The following ZNF287 variants were observed in gnomAD, a reference collection of about 807,000 sequenced individuals.
ZNF287 encodes the protein zinc finger protein 287.
A neutral mutation model predicts 73.7 loss-of-function variants in ZNF287; 31 were observed. The ratio of observed to expected loss-of-function variants is 0.42; its 90% confidence interval spans 0.32 to 0.57. The LOEUF (loss-of-function observed/expected upper bound fraction) is 0.57, where lower values mean the gene tolerates loss of function less well. Among genes scored for constraint, ZNF287 ranks in the 20% least tolerant of loss-of-function variants. The probability of loss-of-function intolerance (pLI) is 0.13; values close to 1 mark genes in which losing one functional copy is unlikely to be tolerated. For synonymous variants in ZNF287, 301 were observed against 307.2 expected, an observed-to-expected ratio of 0.98 and a Z score of 0.21; for missense variants, 641 against 909.3, an observed-to-expected ratio of 0.70 and a Z score of 3.79.
rs372974101 is a variant in ZNF287, at chr17:16,553,143, G to T, written c.999C>A (p.Thr333=). The T allele has an allele frequency of 9.3e-6, 15 of 1,609,292 alleles. No individual in the cohort carries two copies. The highest frequency in any genetic ancestry group is 1.3e-5 in the Non-Finnish European group (15 of 1,175,880). Residue 333 remains threonine (T), a synonymous_variant, in exon 6 of 6, where the codon ACC becomes ACA. Transcript: ENST00000395825. ...KHSNLIVQFD[T]QLDNKTSVYN... The stretch of plus-strand genomic sequence containing the variant: ...ACACAGAAGTTTTATTATCTAATTG[G>T]GTATCAAACTGTACAATTAGGTTTG...
In ZNF287 at chr17:16,549,997, A is replaced by G. The variant is rs1430023873; in HGVS notation, c.*1859T>C. 6.6e-6 allele frequency among the ~76,000 whole-genome samples: 1 copy of G among 152,240 alleles called. No homozygotes were observed. The highest frequency in any genetic ancestry group is 2.4e-5 in the African/African-American group (1 of 41,466). On this transcript the variant is annotated 3_prime_UTR_variant, in exon 6 of 6. Transcript: ENST00000395825. Reference sequence around the variant, plus strand: ...TCATTAATTCAACCATGTATTGACCATGCACTATTATGCAAGGGACTGGAG... The same window carrying G: ...TCATTAATTCAACCATGTATTGACCGTGCACTATTATGCAAGGGACTGGAG...
At chr17:16,554,424 T>C (rs1339126538) in intron 5 of ZNF287, among the ~76,000 whole-genome samples, 2 of 152,178 alleles carry the variant, frequency 1.3e-5, no homozygotes, top group Non-Finnish European at 2.9e-5. Context: ...TCCGCCTGCC[T>C]CAGCCTCTCA....
intron 5 of ZNF287, 26 bp downstream of exon 5, chr17:16,563,120 A>C (rs1335628529): frequency 6.6e-7 from 1 of 1,523,554 alleles, no homozygotes; most frequent in Non-Finnish European, 9.0e-7. Flanking sequence ...AAATACAAAG[A>C]AGCTCATGCG....
intron 5 of ZNF287, among the ~76,000 whole-genome samples, chr17:16,560,518 T>C (rs567030771): frequency 4.6e-5 from 7 of 151,032 alleles, no homozygotes; most frequent in African/African-American, 1.5e-4. Flanking sequence ...CCCAGCTAAT[T>C]TTTGTATTTT....
At chr17:16,556,185 C>G (rs1168334708) in intron 5 of ZNF287, among the ~76,000 whole-genome samples, 1 of 152,056 alleles carries the variant, frequency 6.6e-6, no homozygotes, top group Non-Finnish European at 1.5e-5. Flanking sequence ...CACACACACA[C>G]ACACACAAAA....
chr17:16,553,263 A>T lies in ZNF287; in HGVS notation c.879T>A (p.Gly293=). 1 of 1,613,414 alleles carries T rather than the reference A, an allele frequency of 6.2e-7. No individual in the cohort carries two copies. The highest frequency in any genetic ancestry group is 8.5e-7 in the Non-Finnish European group (1 of 1,179,692). The change falls in exon 6 of 6, where the codon GGT becomes GGA. Residue 293 remains glycine (G), a synonymous_variant. Transcript: ENST00000395825. ...GTGAAAGGACTGACTTCAAACTGAA[A>T]CCTCTTTCATCAGTGTGAATTTTCC... ...GFWKIHTDER[G]FSLKSVLSQE... is the part of the protein sequence containing the mutation.
rs773381197 is a variant in ZNF287 at position 16,549,542 on chromosome 17, C to G, written c.*2314G>C. The stretch of plus-strand genomic sequence containing the variant: ...CAGTTTGAGTATTCTGCAACCTGTA[C>G]TTTGTGCAGGATGATACTATGAAAT... On this transcript the variant is annotated 3_prime_UTR_variant, in exon 6 of 6. Transcript: ENST00000395825. Among the ~76,000 whole-genome samples the G allele has an allele frequency of 6.6e-5, 10 of 152,130 alleles. No individual in the cohort carries two copies. Among genetic ancestry groups the G allele is most frequent in the South Asian group, 2.1e-4 (1 of 4,832 alleles).
chr17:16,553,558 T>A, intron 5 of ZNF287, 132 bp from the exon 6 acceptor site: 1 of 700,618 alleles, frequency 1.4e-6, no homozygotes, highest in Non-Finnish European at 2.1e-6. Context: ...TCATGGTCTT[T>A]AAAACTTGGG....
chr17:16,568,300 G>A (rs1032285456), intron 1 of ZNF287, among the ~76,000 whole-genome samples: 3 of 152,086 alleles, frequency 2.0e-5, no homozygotes, highest in Admixed American at 6.5e-5. Context: ...AAGTGAATCT[G>A]TTACTTGGAA....
In ZNF287 at chr17:16,550,224, C is replaced by T. The variant is rs1270761043; in HGVS notation, c.*1632G>A. On this transcript the variant is annotated 3_prime_UTR_variant, in exon 6 of 6. Coordinates refer to ENST00000395825, the MANE Select transcript of ZNF287 (RefSeq NM_020653.4). ...AATGCTTTTTCCAATTAAATTTTTT[C>T]CTGACATGTTAAGAGTAATCTCTGT... Among the ~76,000 whole-genome samples, 1 of 152,068 alleles carries T rather than the reference C, an allele frequency of 6.6e-6. No homozygotes were observed. The highest frequency in any genetic ancestry group is 2.4e-5 in the African/African-American group (1 of 41,416).
intron 5 of ZNF287, chr17:16,559,229 G>A (rs1437610875): frequency 6.6e-6 from 1 of 152,008 alleles, no homozygotes; most frequent in East Asian, 1.9e-4. Flanking sequence ...TGAGTTCTCA[G>A]CCATGTTACT....
chr17:16,556,088 AAAG>A (rs1907042727), intron 5 of ZNF287, among the ~76,000 whole-genome samples: 1 of 152,052 alleles, frequency 6.6e-6, no homozygotes, highest in Non-Finnish European at 1.5e-5. Context: ...AGTGAAAAAA[AAAG>A]CAGGTGTATA....
At chr17:16,566,728 G>A (rs1191462833) in intron 2 of ZNF287, 106 bp from the exon 3 acceptor site, 5 of 730,002 alleles carry the variant, frequency 6.8e-6, no homozygotes, top group Non-Finnish European at 1.1e-5. Flanking sequence ...GAAGTAAGAA[G>A]GAAATCAAAA....
Position 16,553,133 on chromosome 17 carries a change from T to A in ZNF287, c.1009A>T (p.Asn337Tyr). The stretch of plus-strand genomic sequence containing the variant: ...CCTTCATTATACACAGAAGTTTTAT[T>A]ATCTAATTGGGTATCAAACTGTACA... Reference protein sequence around the residue: ...LIVQFDTQLDNKTSVYNEGRA... With the variant: ...LIVQFDTQLDYKTSVYNEGRA... Residue 337 changes from asparagine (N) to tyrosine (Y), a missense_variant, in exon 6 of 6, where the codon AAT becomes TAT. Around this residue, in one of 2 missense-constraint regions of ZNF287, gnomAD observed 357 missense variants for 442.4 expected, o/e 0.81. Coordinates refer to ENST00000395825, the MANE Select transcript of ZNF287 (RefSeq NM_020653.4). 6.2e-7 allele frequency: 1 copy of A among 1,612,682 alleles called. No individual in the cohort carries two copies. The highest frequency in any genetic ancestry group is 2.2e-5 in the East Asian group (1 of 44,876).
At chr17:16,559,191 G>A (rs1349205307) in intron 5 of ZNF287, 1 of 151,882 alleles carries the variant, frequency 6.6e-6, no homozygotes, top group Non-Finnish European at 1.5e-5. Flanking sequence ...CAGAAGGAAA[G>A]GAAATGTATA....
chr17:16,552,091 G>A lies in ZNF287; in HGVS notation c.2051C>T (p.Ala684Val). The A allele has an allele frequency of 6.2e-7, 1 of 1,614,042 alleles. No individual in the cohort carries two copies. The highest frequency in any genetic ancestry group is 8.5e-7 in the Non-Finnish European group (1 of 1,179,966). Reference protein sequence around the residue: ...KPYKCNECGKAFIYSSSLNQH... With the variant: ...KPYKCNECGKVFIYSSSLNQH... ...ATTAAGTGATGAGGAATAAATGAAA[G>A]CTTTCCCACATTCATTACATTTATA... is the stretch of plus-strand genomic sequence containing the variant. The change falls in exon 6 of 6, where the codon GCT (alanine) becomes GTT (valine). Residue 684 changes from alanine (A) to valine (V), a missense_variant. By Grantham distance (64) the Ala-to-Val change is moderately conservative. Transcript: ENST00000395825. This position sits in a 1 kb window ranked among gnomAD's most constrained non-coding sequence, Gnocchi z 6.5.
chr17:16,560,896 G>C (rs538261684), intron 5 of ZNF287, among the ~76,000 whole-genome samples: 1 of 150,770 alleles, frequency 6.6e-6, no homozygotes, highest in South Asian at 2.1e-4. Context: ...CCAGCTACTT[G>C]GGAGGCTGAG....
At position 16,567,942 on chromosome 17, in the gene ZNF287, C is replaced by T. The variant is rs1181565088; in HGVS notation, c.-198-13G>A. ...TGGATAAGAGACCCTGAAACACAAG[C>T]ATGGACCACAAGGTCAAGAATCCCT... On this transcript the variant is annotated splice_polypyrimidine_tract_variant and intron_variant, in intron 1 of 5. Transcript: ENST00000395825. The T allele has an allele frequency of 2.4e-5, 34 of 1,410,216 alleles. No individual in the cohort carries two copies. In the South Asian group the frequency reaches 5.3e-4, roughly 22 times the overall value. The allele number at this position is 1,410,216 out of a possible 1,614,324, so 87.4% of individuals were successfully genotyped here.
At chr17:16,563,938 G>A in intron 3 of ZNF287, 113 bp from the exon 4 acceptor site, 1 of 1,308,714 alleles carries the variant, frequency 7.6e-7, no homozygotes, top group South Asian at 1.5e-5. Context: ...AGCTTTAGTA[G>A]GATCCTAGAA....
Sources: allele counts gnomAD v4.1 joint callset (sites outside exome capture counted in the v4.1 genomes callset), GRCh38; gene constraint gnomAD v4.1.1; regional missense constraint gnomAD v4.1.1; non-coding constraint Gnocchi (gnomAD v3.1); transcripts MANE v1.5; gene names NCBI Gene and HGNC (gene_info 2026-07-23, HGNC 2026-07-21).